The following ADGRE2 variants were observed in gnomAD, a reference collection of about 807,000 sequenced individuals.
ADGRE2 encodes adhesion G protein-coupled receptor E2, also known as CD97 antigen.
In ADGRE2, 83 loss-of-function variants were observed where a neutral mutation model predicts 100.8. The ratio of observed to expected loss-of-function variants is 0.82; its 90% CI spans 0.69 to 0.99. The LOEUF (loss-of-function observed/expected upper bound fraction) is 0.99, where lower values mean the gene tolerates loss of function less well. Ranked by LOEUF, ADGRE2 falls within the 50% of genes least tolerant of loss-of-function variation. The probability of loss-of-function intolerance (pLI) is 0.00; values close to 1 mark genes in which losing one functional copy is unlikely to be tolerated. For synonymous variants in ADGRE2, 355 were observed against 413.0 expected (o/e 0.86, Z 1.70); for missense variants, 814 against 1,035.7 (o/e 0.79, Z 2.94).
chr19:14,770,675 T>TTTC (rs1568623187), intron 5 of ADGRE2, among the ~76,000 whole-genome samples: 1 of 109,178 alleles, frequency 9.2e-6, no homozygotes, highest in Non-Finnish European at 1.8e-5. Flanking sequence ...TTTTCTTTTT[T>TTTC]TTTTTTTTTT....
chr19:14,746,390 T>TC (rs1555782365), intron 17 of ADGRE2, 67 bp from the exon 18 acceptor site: 93,927 of 834,674 alleles, frequency 0.11, 2,689 homozygotes, highest in Non-Finnish European at 0.13. Context: ...TTTTTTTTTT[T>TC]CAGACAGGGT....
intron 11 of ADGRE2, 152 bp downstream of exon 11, chr19:14,764,281 C>A (rs1599857551): frequency 1.5e-6 from 1 of 682,402 alleles, no homozygotes; most frequent in East Asian, 2.8e-5. Flanking sequence ...CTTGTCCAGA[C>A]TGGTATGTAT....
chr19:14,776,782 G>A lies in ADGRE2; in HGVS notation c.-26C>T, dbSNP rs369661620. 3.1e-6 allele frequency: 5 copies of A among 1,612,926 alleles called. No homozygotes were observed. Among genetic ancestry groups the A allele is most frequent in the Non-Finnish European group, 4.2e-6 (5 of 1,179,546 alleles). On this transcript the variant is annotated 5_prime_UTR_variant, in exon 2 of 21. Coordinates refer to ENST00000315576, the MANE Select transcript of ADGRE2 (RefSeq NM_013447.4). Reference sequence around the variant, plus strand: ...GGTTCCAGCTGAGCTGCCGGCAGGAGCAGCAGGGGAAAGAGTGAGTGGGAC... The same window carrying A: ...GGTTCCAGCTGAGCTGCCGGCAGGAACAGCAGGGGAAAGAGTGAGTGGGAC...
intron 4 of ADGRE2, among the ~76,000 whole-genome samples, chr19:14,773,482 G>A (rs2044300893): frequency 6.7e-6 from 1 of 148,252 alleles, no homozygotes; most frequent in African/African-American, 2.5e-5. Context: ...GGGATTACAG[G>A]CATGAGCCAC....
chr19:14,777,173 G>A, intron 1 of ADGRE2: 1 of 846,280 alleles, frequency 1.2e-6, no homozygotes, highest in Non-Finnish European at 1.4e-6. Flanking sequence ...GGTCTCGCCT[G>A]GGGCCACTTG....
At chr19:14,754,783 C>T (rs965407589) in intron 14 of ADGRE2, among the ~76,000 whole-genome samples, 171 bp downstream of exon 14, 1 of 152,178 alleles carries the variant, frequency 6.6e-6, no homozygotes, top group African/African-American at 2.4e-5. Flanking sequence ...GGTGGGGTGA[C>T]ATGATGATTT....
chr19:14,762,412 T>C (rs1274493301), intron 11 of ADGRE2, among the ~76,000 whole-genome samples: 1 of 152,098 alleles, frequency 6.6e-6, no homozygotes, highest in African/African-American at 2.4e-5. Context: ...ATGATTCCAT[T>C]TATGTGAGAT....
Position 14,743,514 on chromosome 19 carries a change from C to T in ADGRE2, c.2369G>A (p.Gly790Glu), listed in dbSNP as rs2042991346. ...LLSQQVREQY[G>E]KWSKGIRKLK... ...TTTCCTGATCCCTTTGGACCATTTC[C>T]CATATTGCTCCCGGACCTGCAGAGG... The change falls in exon 20 of 21, where the codon GGG becomes GAG. Residue 790 changes from glycine (G) to glutamate (E), a missense_variant. Transcript: ENST00000315576. 3 of 1,614,098 alleles carry T rather than the reference C, an allele frequency of 1.9e-6. No individual in the cohort carries two copies. The highest frequency in any genetic ancestry group is 2.5e-6 in the Non-Finnish European group (3 of 1,179,966).
At chr19:14,763,959 T>C (rs1015106002) in intron 11 of ADGRE2, among the ~76,000 whole-genome samples, 3 of 146,610 alleles carry the variant, frequency 2.0e-5, no homozygotes, top group African/African-American at 7.6e-5. Flanking sequence ...CTCCTCCTTC[T>C]GTCCTCCCCC....
chr19:14,747,676 C>T (rs12981016), intron 16 of ADGRE2, among the ~76,000 whole-genome samples: 1 of 151,844 alleles, frequency 6.6e-6, no homozygotes, highest in Admixed American at 6.6e-5. Flanking sequence ...CGTGTGGTGG[C>T]GCATGCCTGT....
chr19:14,751,112 C>A (rs1192581444), intron 16 of ADGRE2, among the ~76,000 whole-genome samples: 1 of 152,074 alleles, frequency 6.6e-6, no homozygotes. Flanking sequence ...TGAGCCTGAC[C>A]CTCCTTAATT....
Position 14,736,115 on chromosome 19 carries a change from G to T in ADGRE2, c.*121C>A. The T allele has an allele frequency of 3.2e-6, 3 of 936,326 alleles. No homozygotes were observed. Among genetic ancestry groups the T allele is most frequent in the Non-Finnish European group, 3.3e-6 (2 of 601,768 alleles). 58.0% of individuals were successfully genotyped at this position (936,326 alleles called of 1,614,324 possible). A position where few individuals can be genotyped will look rare whatever the true frequency, so the allele number is the denominator to read the frequency against. On this transcript the variant is annotated 3_prime_UTR_variant, in exon 21 of 21. Coordinates refer to ENST00000315576, the MANE Select transcript of ADGRE2 (RefSeq NM_013447.4). ...CGCCTTCCATAACATCCTTCATATT[G>T]CTGACATGGTGAATTTCTTGAAACA...
chr19:14,741,100 T>G (rs1353459762), intron 20 of ADGRE2, among the ~76,000 whole-genome samples: 1 of 149,872 alleles, frequency 6.7e-6, no homozygotes, highest in African/African-American at 2.5e-5. Context: ...TGTTTTTTTT[T>G]TTTTTTTTTT....
At chr19:14,765,163 G>A (rs2043907930) in intron 10 of ADGRE2, among the ~76,000 whole-genome samples, 157 bp downstream of exon 10, 1 of 152,196 alleles carries the variant, frequency 6.6e-6, no homozygotes, top group African/African-American at 2.4e-5. Context: ...GTGCACTTGG[G>A]TGTCCATTAG....
At chr19:14,759,575 C>CA (rs1286460989) in intron 11 of ADGRE2, among the ~76,000 whole-genome samples, 1 of 150,050 alleles carries the variant, frequency 6.7e-6, no homozygotes. Context: ...CAGCTCACTG[C>CA]AGCCTCTGCC....
intron 7 of ADGRE2, 86 bp from the exon 8 acceptor site, chr19:14,765,890 G>C (rs966001394): frequency 4.4e-5 from 71 of 1,608,986 alleles, no homozygotes; most frequent in Non-Finnish European, 5.8e-5. Context: ...CGTTCCTCCC[G>C]GCATTAGTGC....
At chr19:14,759,360 C>A (rs965885355) in intron 11 of ADGRE2, among the ~76,000 whole-genome samples, 1 of 151,954 alleles carries the variant, frequency 6.6e-6, no homozygotes, top group African/African-American at 2.4e-5. Flanking sequence ...AAAAGGGAAA[C>A]CTTACTGAGG....
chr19:14,772,929 A>T (rs1038072139), intron 4 of ADGRE2, among the ~76,000 whole-genome samples: 1 of 151,502 alleles, frequency 6.6e-6, no homozygotes, highest in Non-Finnish European at 1.5e-5. Context: ...AAATACAAAA[A>T]CTAGCCGGGC....
At chr19:14,736,314 T>C in intron 20 of ADGRE2, 70 bp from the exon 21 acceptor site, 1 of 1,047,390 alleles carries the variant, frequency 9.5e-7, no homozygotes, top group Non-Finnish European at 1.4e-6. Context: ...TGGGCTGGAG[T>C]GCAATGGCGC....
Sources: gnomAD v4.1 joint callset for allele counts (sites outside exome capture counted in the v4.1 genomes callset) on GRCh38, gnomAD v4.1.1 for gene constraint, MANE v1.5 for transcripts, NCBI Gene and HGNC (gene_info 2026-07-23, HGNC 2026-07-21) for gene names.